The following CCDC102B variants were observed in gnomAD, a reference collection of about 807,000 sequenced individuals.
The protein encoded by CCDC102B is coiled-coil domain containing 102B.
Under a neutral mutation model 57.4 loss-of-function variants are expected in CCDC102B, and 75 were observed. That is an observed-to-expected ratio of 1.31 (90% CI 1.08 to 1.58). The LOEUF (loss-of-function observed/expected upper bound fraction) is 1.58. Ranked by LOEUF, CCDC102B falls within the 40% of genes most tolerant of loss-of-function variation. The pLI, the probability that CCDC102B is intolerant of heterozygous loss-of-function variation, is 0.00. For missense variants in CCDC102B, 636 were observed against 582.6 expected, an observed-to-expected ratio of 1.09 and a Z score of -0.94; for synonymous variants, 206 against 201.9, an observed-to-expected ratio of 1.02 and a Z score of -0.17.
chr18:68,760,108 T>A (rs557034530), intron 2 of CCDC102B, among the ~76,000 whole-genome samples: 1 of 152,218 alleles, frequency 6.6e-6, no homozygotes, highest in Admixed American at 6.5e-5. Context: ...CTAATAAACC[T>A]CCTGCACACT....
At chr18:68,808,541 T>C (rs1282310392) in intron 1 of CCDC102B, among the ~76,000 whole-genome samples, 1 of 145,286 alleles carries the variant, frequency 6.9e-6, no homozygotes, top group African/African-American at 2.5e-5. Context: ...GCAGTGGCGC[T>C]ATCTCCGCTC....
intron 6 of CCDC102B, among the ~76,000 whole-genome samples, chr18:68,961,309 A>C (rs999743123): frequency 6.6e-6 from 1 of 151,994 alleles, no homozygotes; most frequent in African/African-American, 2.4e-5. Context: ...TTTATACAAA[A>C]TTGTTTTATT....
chr18:68,968,771 T>A (rs2050225145), intron 6 of CCDC102B, among the ~76,000 whole-genome samples: 1 of 152,158 alleles, frequency 6.6e-6, no homozygotes, highest in Non-Finnish European at 1.5e-5. Flanking sequence ...TTTATACGCC[T>A]CACATAAGAG....
chr18:68,791,240 T>C (rs1405677049), intron 2 of CCDC102B, among the ~76,000 whole-genome samples: 1 of 152,196 alleles, frequency 6.6e-6, no homozygotes, highest in Non-Finnish European at 1.5e-5. Flanking sequence ...TTAATCAATG[T>C]TGTAAAATTA....
intron 2 of CCDC102B, among the ~76,000 whole-genome samples, chr18:68,765,159 G>A (rs112767046): frequency 0.063 from 9,500 of 150,886 alleles, 563 homozygotes; most frequent in African/African-American, 0.15. Context: ...AGGAATTTGA[G>A]GCTGCAATAA....
In CCDC102B at chr18:68,857,329, A is replaced by ATG. The variant is rs1568293266; in HGVS notation, c.936+10908_936+10909insTG. Among the ~76,000 whole-genome samples, 15 of 66,278 alleles carry ATG rather than the reference A, an allele frequency of 2.3e-4. 1 individual carries two copies. The highest frequency in any genetic ancestry group is 4.8e-4 in the African/African-American group (8 of 16,624). The allele number at this position is 66,278 out of a possible 152,430, so 43.5% of individuals were successfully genotyped here. A position where few individuals can be genotyped will look rare whatever the true frequency, so the allele number is the denominator to read the frequency against. On this transcript the variant is annotated intron_variant, in intron 4 of 7. Coordinates refer to ENST00000360242, the MANE Select transcript of CCDC102B (RefSeq NM_024781.3). ...ATATATATTTATATATTATATATAT[A>ATG]AAATATATATTTATATATTATAAAT...
downstream of CCDC102B, among the ~76,000 whole-genome samples, chr18:69,057,891 CA>C (rs2052842241): frequency 6.6e-6 from 1 of 151,996 alleles, no homozygotes. Flanking sequence ...ACGTTTATTA[CA>C]TGGGTAAGGT....
downstream of CCDC102B, among the ~76,000 whole-genome samples, chr18:69,057,467 G>T (rs567334716): frequency 2.6e-5 from 4 of 152,080 alleles, no homozygotes; most frequent in East Asian, 7.8e-4. Flanking sequence ...ACAGCTGCTG[G>T]CTGGGCCTCT....
chr18:68,962,993 C>T (rs2050081213), intron 6 of CCDC102B, among the ~76,000 whole-genome samples: 1 of 151,832 alleles, frequency 6.6e-6, no homozygotes, highest in Non-Finnish European at 1.5e-5. Context: ...ATTCATGTGT[C>T]CATATATTTA....
At chr18:68,957,614 A>G (rs1172925603) in intron 6 of CCDC102B, among the ~76,000 whole-genome samples, 1 of 140,220 alleles carries the variant, frequency 7.1e-6, no homozygotes, top group Admixed American at 7.4e-5. Flanking sequence ...TTGTGGTTCC[A>G]TATGAGTTTT....
intron 4 of CCDC102B, among the ~76,000 whole-genome samples, chr18:68,856,880 CAT>C (rs1467746154): frequency 2.0e-5 from 3 of 149,256 alleles, no homozygotes; most frequent in African/African-American, 7.4e-5. Context: ...TATATATACA[CAT>C]ATGTTGTGTA....
chr18:68,818,129 T>A (rs948160745), intron 1 of CCDC102B, among the ~76,000 whole-genome samples: 11 of 151,248 alleles, frequency 7.3e-5, no homozygotes, highest in Admixed American at 6.6e-4. Context: ...GTATTTTCTT[T>A]TGGAGGAAAA....
intron 6 of CCDC102B, among the ~76,000 whole-genome samples, chr18:68,956,349 T>TATA (rs1491436001): frequency 4.2e-4 from 24 of 57,218 alleles, no homozygotes; most frequent in Admixed American, 1.3e-3. Context: ...AATATATATA[T>TATA]TAATATATAT....
chr18:68,962,832 A>G (rs1035881821), intron 6 of CCDC102B, among the ~76,000 whole-genome samples: 2 of 151,896 alleles, frequency 1.3e-5, no homozygotes, highest in Non-Finnish European at 2.9e-5. Flanking sequence ...CTTACTTCCA[A>G]TGAGTCATAT....
At chr18:68,957,834 T>C (rs564112452) in intron 6 of CCDC102B, among the ~76,000 whole-genome samples, 119 of 152,292 alleles carry the variant, frequency 7.8e-4, no homozygotes, top group African/African-American at 2.7e-3. Flanking sequence ...ACTTCTTTGG[T>C]TAATTCCTAG....
chr18:68,821,264 G>T (rs554236823), intron 1 of CCDC102B, among the ~76,000 whole-genome samples: 1 of 151,888 alleles, frequency 6.6e-6, no homozygotes, highest in African/African-American at 2.4e-5. Flanking sequence ...ATAAATACTT[G>T]CTGCTTGTCT....
intron 6 of CCDC102B, among the ~76,000 whole-genome samples, chr18:68,923,294 A>G (rs2041351906): frequency 6.6e-6 from 1 of 152,056 alleles, no homozygotes; most frequent in South Asian, 2.1e-4. Context: ...AAAAATGTAT[A>G]TGAAATGTAC....
intron 6 of CCDC102B, among the ~76,000 whole-genome samples, chr18:68,983,723 C>T (rs747552588): frequency 1.3e-5 from 2 of 151,920 alleles, no homozygotes; most frequent in Non-Finnish European, 2.9e-5. Context: ...TCAGAGGAAA[C>T]TTTTTCACTG....
intron 1 of CCDC102B, among the ~76,000 whole-genome samples, chr18:68,804,864 C>CTTTTTT (rs202008892): frequency 7.1e-6 from 1 of 140,834 alleles, no homozygotes. Context: ...GGATCAAAAT[C>CTTTTTT]TTTTTTTTTT....
Sources: allele counts gnomAD v4.1 joint callset (sites outside exome capture counted in the v4.1 genomes callset), GRCh38; gene constraint gnomAD v4.1.1; transcripts MANE v1.5; gene names NCBI Gene and HGNC (gene_info 2026-07-23, HGNC 2026-07-21).